The following ROBO1 variants were observed in gnomAD, a reference collection of about 807,000 sequenced individuals.
ROBO1 encodes roundabout homolog 1.
Under a neutral mutation model 195.9 loss-of-function variants are expected in ROBO1, and 149 were observed. The observed-to-expected ratio is 0.76, with a 90% CI of 0.67 to 0.87. The LOEUF (loss-of-function observed/expected upper bound fraction) is 0.87. Ranked by LOEUF, ROBO1 falls within the 40% of genes least tolerant of loss-of-function variation. The pLI is 0.00. For synonymous variants in ROBO1, 816 were observed against 733.2 expected, an observed-to-expected ratio of 1.11 and a Z score of -1.82; for missense variants, 1,933 against 2,068.3, an observed-to-expected ratio of 0.93 and a Z score of 1.27.
At chr3:79,423,543 G>T (rs932865381) in intron 2 of ROBO1, among the ~76,000 whole-genome samples, 58 of 152,066 alleles carry the variant, frequency 3.8e-4, no homozygotes, top group Non-Finnish European at 1.5e-5. Context: ...CTATTGGCAG[G>T]TCAGTCCTCT....
intron 2 of ROBO1, among the ~76,000 whole-genome samples, chr3:79,532,099 CGAT>C: frequency 6.6e-6 from 1 of 152,192 alleles, no homozygotes; most frequent in Admixed American, 6.5e-5. Context: ...AAAGGTAAGG[CGAT>C]GATGGTTAAC....
intron 4 of ROBO1, among the ~76,000 whole-genome samples, chr3:78,874,492 C>T (rs1205160120): frequency 1.3e-5 from 2 of 151,796 alleles, no homozygotes; most frequent in Non-Finnish European, 2.9e-5. Flanking sequence ...CGTAATAATA[C>T]ATATATTATA....
intron 28 of ROBO1, among the ~76,000 whole-genome samples, chr3:78,610,820 A>G (rs1445208634): frequency 1.3e-5 from 2 of 152,198 alleles, no homozygotes; most frequent in Non-Finnish European, 2.9e-5. Context: ...GGAAATGTTG[A>G]CAGGTTTGAT....
intron 2 of ROBO1, among the ~76,000 whole-genome samples, chr3:79,240,126 A>G (rs1309216192): frequency 2.0e-5 from 3 of 152,188 alleles, no homozygotes; most frequent in Admixed American, 6.5e-5. Context: ...TATATTAACT[A>G]TAGTCACTAC....
chr3:78,670,541 A>C (rs1204939753), intron 10 of ROBO1: 1 of 491,102 alleles, frequency 2.0e-6, no homozygotes, highest in Non-Finnish European at 3.7e-6. Flanking sequence ...CTGCATCGTC[A>C]AGAGGCCTAT....
intron 3 of ROBO1, among the ~76,000 whole-genome samples, chr3:79,066,462 T>G (rs2108421275): frequency 6.6e-6 from 1 of 152,112 alleles, no homozygotes; most frequent in East Asian, 1.9e-4. Flanking sequence ...ACTCTGGTAC[T>G]TTTAGTCGAA....
At chr3:79,101,458 T>C (rs1342537921) in intron 3 of ROBO1, among the ~76,000 whole-genome samples, 1 of 151,820 alleles carries the variant, frequency 6.6e-6, no homozygotes, top group Non-Finnish European at 1.5e-5. Context: ...TGATCCGTTT[T>C]GGATGAATTA....
intron 8 of ROBO1, among the ~76,000 whole-genome samples, chr3:78,703,313 G>A (rs943145707): frequency 1.3e-5 from 2 of 152,100 alleles, no homozygotes; most frequent in East Asian, 1.9e-4. Context: ...TCTTATTTAC[G>A]CCACTGGATC....
In ROBO1 at chr3:79,332,201, TA is replaced by T. The variant is rs71127379; in HGVS notation, c.89-206663del. Among the ~76,000 whole-genome samples, 475 of 122,118 alleles carry T rather than the reference TA, an allele frequency of 3.9e-3. 1 individual carries two copies. The highest frequency in any genetic ancestry group is 8.2e-3 in the Middle Eastern group (2 of 244). The allele number at this position is 122,118 out of a possible 152,430, so 80.1% of individuals were successfully genotyped here. On this transcript the variant is annotated intron_variant, in intron 2 of 30. Coordinates refer to ENST00000464233, the MANE Select transcript of ROBO1 (RefSeq NM_002941.4). ...TTTAAGGAGAACATTATTGATGACC[TA>T]AAAAAAAAAAAAATACCATGCAGGT...
intron 2 of ROBO1, among the ~76,000 whole-genome samples, chr3:79,226,072 C>A (rs753951077): frequency 7.1e-4 from 108 of 152,160 alleles, no homozygotes; most frequent in Non-Finnish European, 1.0e-4. Context: ...ATTTTTTTAA[C>A]CTCATATGAA....
intron 3 of ROBO1, among the ~76,000 whole-genome samples, chr3:78,945,673 G>A (rs2040394516): frequency 6.6e-6 from 1 of 152,192 alleles, no homozygotes; most frequent in Non-Finnish European, 1.5e-5. Flanking sequence ...GATGGAGAAT[G>A]ACTTTGACAA....
At chr3:78,830,409 T>A (rs1399988226) in intron 4 of ROBO1, among the ~76,000 whole-genome samples, 1 of 152,188 alleles carries the variant, frequency 6.6e-6, no homozygotes, top group Admixed American at 6.5e-5. Flanking sequence ...ACGCTGCTAA[T>A]AGGGACAAAC....
At chr3:78,823,878 G>A (rs973683340) in intron 4 of ROBO1, among the ~76,000 whole-genome samples, 4 of 151,930 alleles carry the variant, frequency 2.6e-5, no homozygotes, top group Non-Finnish European at 5.9e-5. Flanking sequence ...TTGTCACTGT[G>A]TGTGTGTGTG....
At chr3:79,157,994 G>C (rs1488444951) in intron 2 of ROBO1, among the ~76,000 whole-genome samples, 1 of 151,794 alleles carries the variant, frequency 6.6e-6, no homozygotes, top group African/African-American at 2.4e-5. Flanking sequence ...TCAGTTAATA[G>C]ACAATGCCAG....
At chr3:79,564,740 C>G (rs1188838657) in intron 2 of ROBO1, among the ~76,000 whole-genome samples, 1 of 151,960 alleles carries the variant, frequency 6.6e-6, no homozygotes, top group Non-Finnish European at 1.5e-5. Context: ...AATATATTGT[C>G]AATGGCTTGG....
intron 9 of ROBO1, 59 bp from the exon 10 acceptor site, chr3:78,685,976 T>C: frequency 7.2e-7 from 1 of 1,395,828 alleles, no homozygotes. Context: ...TAGGTTCCAA[T>C]ATTTTGGCAC....
chr3:78,740,183 C>T (rs376090663), intron 5 of ROBO1, among the ~76,000 whole-genome samples: 1 of 152,208 alleles, frequency 6.6e-6, no homozygotes, highest in African/African-American at 2.4e-5. Flanking sequence ...CCTTCTTCTT[C>T]ACCTTCTTCA....
intron 4 of ROBO1, among the ~76,000 whole-genome samples, chr3:78,913,405 T>C (rs1353507319): frequency 6.6e-6 from 1 of 152,094 alleles, no homozygotes; most frequent in African/African-American, 2.4e-5. Flanking sequence ...TTTTGCTTAG[T>C]TTTCAATTTT....
chr3:78,891,781 G>C (rs766503004), intron 4 of ROBO1, among the ~76,000 whole-genome samples: 1 of 152,194 alleles, frequency 6.6e-6, no homozygotes, highest in East Asian at 1.9e-4. Flanking sequence ...AACTATTGAT[G>C]TGTGTAAACT....
Sources: allele counts gnomAD v4.1 joint callset (sites outside exome capture counted in the v4.1 genomes callset), GRCh38; gene constraint gnomAD v4.1.1; transcripts MANE v1.5; gene names NCBI Gene and HGNC (gene_info 2026-07-23, HGNC 2026-07-21).